Variants in PRDM16 observed in about 807,000 individuals in gnomAD.
PRDM16 encodes the protein histone-lysine N-methyltransferase PRDM16.
PRDM16 carries 23 observed loss-of-function variants against 110.6 expected under a neutral mutation model. The ratio of observed to expected loss-of-function variants is 0.21; its 90% CI spans 0.15 to 0.29. The LOEUF (loss-of-function observed/expected upper bound fraction) is 0.29, where lower values mean the gene tolerates loss of function less well. Ranked by LOEUF, PRDM16 falls within the 10% of genes least tolerant of loss-of-function variation. The probability of loss-of-function intolerance (pLI) is 1.00; values close to 1 mark genes in which losing one functional copy is unlikely to be tolerated. For synonymous variants in PRDM16, 799 were observed against 781.8 expected (o/e 1.02, Z -0.37); for missense variants, 1,615 against 1,794.3 (o/e 0.90, Z 1.81).
At position 3,430,873 on chromosome 1, in the gene PRDM16, G is replaced by A. The variant is rs374562445; in HGVS notation, c.3286G>A (p.Ala1096Thr). Residue 1096 changes from alanine to threonine, a missense_variant and splice_region_variant, in exon 15 of 17, where the codon GCG becomes ACG. By Grantham distance (58) the Ala-to-Thr change is moderately conservative. Transcript: ENST00000270722. ...CAATCTCCTCCTGCATCATTTCAGGGCGGACATGCAGATCGTGGACGGCAG... is the reference window on the plus strand; with the variant it reads ...CAATCTCCTCCTGCATCATTTCAGGACGGACATGCAGATCGTGGACGGCAG... ...NQASTRTEKRADMQIVDGSAQ... is the reference protein window; with the variant it reads ...NQASTRTEKRTDMQIVDGSAQ... 2.4e-5 allele frequency: 39 copies of A among 1,613,922 alleles called. No individual in the cohort carries two copies. Among genetic ancestry groups the A allele is most frequent in the Non-Finnish European group, 3.1e-5 (36 of 1,179,978 alleles).
intron 3 of PRDM16, among the ~76,000 whole-genome samples, chr1:3,351,008 G>A (rs1484852930): frequency 6.6e-6 from 1 of 152,228 alleles, no homozygotes; most frequent in African/African-American, 2.4e-5. Context: ...AGCGGGAACT[G>A]TCTGCAGAGC....
rs541932187 is a variant in PRDM16 at position 3,105,775 on chromosome 1, C to T, written c.37+36479C>T. On this transcript the variant is annotated intron_variant, in intron 1 of 16. Transcript: ENST00000270722. ...CTGGCCTCGCCTCCCGCCCTGAGAA[C>T]GGGGCTAGCAGAGGCCACTGCTGTG... Among the ~76,000 whole-genome samples, 23 of 152,360 alleles carry T rather than the reference C, an allele frequency of 1.5e-4. No individual in the cohort carries two copies. The South Asian group carries it at 2.5e-3, about 16-fold the overall frequency.
intron 12 of PRDM16, among the ~76,000 whole-genome samples, chr1:3,422,529 T>A (rs79971748): frequency 6.6e-6 from 1 of 152,158 alleles, no homozygotes; most frequent in African/African-American, 2.4e-5. Context: ...CAGAGTCCAG[T>A]GTGTCCTTTC....
chr1:3,096,560 C>T (rs1642404680), intron 1 of PRDM16, among the ~76,000 whole-genome samples: 1 of 152,162 alleles, frequency 6.6e-6, no homozygotes, highest in Non-Finnish European at 1.5e-5. Context: ...CTGCCTCTTC[C>T]TCTTTTGCCG....
chr1:3,362,953 G>C (rs964237900), intron 3 of PRDM16, among the ~76,000 whole-genome samples: 1 of 152,140 alleles, frequency 6.6e-6, no homozygotes, highest in South Asian at 2.1e-4. Context: ...GCGTGGTCTC[G>C]GGATTTGAAG....
intron 1 of PRDM16, among the ~76,000 whole-genome samples, chr1:3,100,075 G>A (rs554230931): frequency 6.6e-5 from 10 of 152,282 alleles, no homozygotes; most frequent in African/African-American, 1.9e-4. Flanking sequence ...GAGAGGCCCG[G>A]CACTGCCCTG....
chr1:3,306,129 G>A (rs11807038), intron 3 of PRDM16, among the ~76,000 whole-genome samples: 18,011 of 152,234 alleles, frequency 0.12, 3,536 homozygotes, highest in African/African-American at 0.41. Flanking sequence ...TCACAAGCAA[G>A]GGGGAAGTAC....
At chr1:3,231,403 G>GGCCCCCCT in intron 2 of PRDM16, among the ~76,000 whole-genome samples, 1 of 150,492 alleles carries the variant, frequency 6.6e-6, no homozygotes, top group African/African-American at 2.5e-5. Context: ...GGTCAAGGCC[G>GGCCCCCCT]TCTCCCCTTC....
At chr1:3,417,611 C>T (rs542622502) in intron 10 of PRDM16, among the ~76,000 whole-genome samples, 24 of 152,250 alleles carry the variant, frequency 1.6e-4, no homozygotes, top group Non-Finnish European at 2.8e-4. Flanking sequence ...AAACTACAAA[C>T]GAGGGACTGG....
At chr1:3,266,731 A>C (rs1557568345) in intron 3 of PRDM16, among the ~76,000 whole-genome samples, 1 of 151,924 alleles carries the variant, frequency 6.6e-6, no homozygotes, top group Non-Finnish European at 1.5e-5. Flanking sequence ...GCTGGAGTGC[A>C]ACGGCGCAAT....
chr1:3,080,714 C>T lies in PRDM16; in HGVS notation c.37+11418C>T, dbSNP rs897969860. Among the ~76,000 whole-genome samples the T allele has an allele frequency of 3.9e-5, 6 of 152,164 alleles. No individual in the cohort carries two copies. Among genetic ancestry groups the T allele is most frequent in the East Asian group, 1.9e-4 (1 of 5,176 alleles). ...AGCCAGCTTGCTCTCCCCCTCGGACCGGGCAACTGCTCCTGGATTTCTGTT... is the reference window on the plus strand; with the variant it reads ...AGCCAGCTTGCTCTCCCCCTCGGACTGGGCAACTGCTCCTGGATTTCTGTT... On this transcript the variant is annotated intron_variant, in intron 1 of 16. Coordinates refer to ENST00000270722, the MANE Select transcript of PRDM16 (RefSeq NM_022114.4). This position sits in a 1 kb window ranked among gnomAD's most constrained non-coding sequence, Gnocchi z 5.2.
At chr1:3,309,334 C>A (rs72849073) in intron 3 of PRDM16, 1 of 152,304 alleles carries the variant, frequency 6.6e-6, no homozygotes, top group East Asian at 1.9e-4. Flanking sequence ...CGTCGTCAGG[C>A]GATATTCCCT....
rs186426649 is a variant in PRDM16 at position 3,359,807 on chromosome 1, C to G, written c.439-25345C>G. 5.3e-5 allele frequency among the ~76,000 whole-genome samples: 8 copies of G among 152,274 alleles called. No homozygotes were observed. The highest frequency in any genetic ancestry group is 5.2e-4 in the Admixed American group (8 of 15,310). On this transcript the variant is annotated intron_variant, in intron 3 of 16. Coordinates refer to ENST00000270722, the MANE Select transcript of PRDM16 (RefSeq NM_022114.4). The surrounding 1 kb of genome is among the most constrained non-coding windows in gnomAD (Gnocchi z 4.3). ...GGGAAAAACGAGCCTGGCCTGAAAC[C>G]ACGCCCGTGCTCAAAGTGATGTTTA... is the stretch of plus-strand genomic sequence containing the variant.
At chr1:3,074,880 G>A (rs889562932) in intron 1 of PRDM16, among the ~76,000 whole-genome samples, 6 of 152,260 alleles carry the variant, frequency 3.9e-5, no homozygotes, top group Admixed American at 1.3e-4. Context: ...GGAAGGGGCC[G>A]GCTGCTGACA....
rs770864173 is a variant in PRDM16, at chr1:3,414,600, C to T, written c.2644C>T (p.Leu882=). Reference sequence around the variant, plus strand: ...GAAGGTCACAGACCCCGTGGGAGCCCTGAAGGAGAAGTACCTGCGGCCGTC... The same window carrying T: ...GAAGGTCACAGACCCCGTGGGAGCCTTGAAGGAGAAGTACCTGCGGCCGTC... ...KRKVTDPVGA[L]KEKYLRPSPL... The change falls in exon 10 of 17, where the codon CTG becomes TTG. Residue 882 remains leucine, a synonymous_variant. Transcript: ENST00000270722. 8.1e-6 allele frequency: 13 copies of T among 1,613,426 alleles called. No homozygotes were observed. Among genetic ancestry groups the T allele is most frequent in the South Asian group, 1.1e-5 (1 of 91,082 alleles).
chr1:3,071,853 C>T (rs577025498), intron 1 of PRDM16, among the ~76,000 whole-genome samples: 61 of 152,310 alleles, frequency 4.0e-4, no homozygotes, highest in Admixed American at 2.2e-3. Context: ...GGGCCACCGC[C>T]GAGTGTGCAT....
chr1:3,345,177 G>T (rs1006880315), intron 3 of PRDM16, among the ~76,000 whole-genome samples: 1 of 152,222 alleles, frequency 6.6e-6, no homozygotes, highest in South Asian at 2.1e-4. Context: ...AATACCTGGA[G>T]GACAGTGGCC....
At position 3,290,812 on chromosome 1, in the gene PRDM16, A is replaced by C. The variant is rs1270960480; in HGVS notation, c.438+46675A>C. ...GAGATCCCTGAAACGGGATACGCCG[A>C]GCTGAACTTGGCCACATAATGCCGC... On this transcript the variant is annotated intron_variant, in intron 3 of 16. Transcript: ENST00000270722. The surrounding 1 kb of genome is among the most constrained non-coding windows in gnomAD (Gnocchi z 4.8). Among the ~76,000 whole-genome samples, 1 of 151,808 alleles carries C rather than the reference A, an allele frequency of 6.6e-6. No individual in the cohort carries two copies. Among genetic ancestry groups the C allele is most frequent in the Admixed American group, 6.6e-5 (1 of 15,204 alleles).
chr1:3,069,468 G>T lies in PRDM16; in HGVS notation c.37+172G>T, dbSNP rs1183877998. ...CCGCCTCCCGCGCTCCGGGGCGACCGGGCTCGGCGCGGAGGCTCGGGGCGC... is the reference window on the plus strand; with the variant it reads ...CCGCCTCCCGCGCTCCGGGGCGACCTGGCTCGGCGCGGAGGCTCGGGGCGC... On this transcript the variant is annotated intron_variant, in intron 1 of 16. Coordinates refer to ENST00000270722, the MANE Select transcript of PRDM16 (RefSeq NM_022114.4). This position sits in a 1 kb window ranked among gnomAD's most constrained non-coding sequence, Gnocchi z 6.1. Among the ~76,000 whole-genome samples the T allele has an allele frequency of 9.1e-5, 13 of 142,492 alleles. No homozygotes were observed. The South Asian group carries it at 3.1e-3, about 34-fold the overall frequency. The allele number at this position is 142,492 out of a possible 152,430, so 93.5% of individuals were successfully genotyped here. A position where few individuals can be genotyped will look rare whatever the true frequency, so the allele number is the denominator to read the frequency against.
Sources: gnomAD v4.1 joint callset for allele counts (sites outside exome capture counted in the v4.1 genomes callset) on GRCh38, gnomAD v4.1.1 for gene constraint, Gnocchi (gnomAD v3.1) non-coding constraint, MANE v1.5 for transcripts, NCBI Gene and HGNC (gene_info 2026-07-23, HGNC 2026-07-21) for gene names.